The following VEPH1 variants were observed in gnomAD, a reference collection of about 807,000 sequenced individuals.
The protein encoded by VEPH1 is ventricular zone-expressed PH domain-containing protein homolog 1.
In VEPH1, 80 loss-of-function variants were observed where a neutral mutation model predicts 85.2. The observed-to-expected ratio is 0.94, with a 90% confidence interval of 0.78 to 1.13. The LOEUF (loss-of-function observed/expected upper bound fraction) is 1.13, where lower values mean the gene tolerates loss of function less well. Among genes scored for constraint, VEPH1 ranks in the 50% most tolerant of loss-of-function variants. The probability of loss-of-function intolerance (pLI) is 0.00; values close to 1 mark genes in which losing one functional copy is unlikely to be tolerated. For missense variants in VEPH1, 955 were observed against 980.5 expected (o/e 0.97, Z 0.35); for synonymous variants, 297 against 348.0 (o/e 0.85, Z 1.63).
chr3:157,402,746 A>C (rs934485996), intron 6 of VEPH1, among the ~76,000 whole-genome samples: 1 of 152,174 alleles, frequency 6.6e-6, no homozygotes, highest in Admixed American at 6.6e-5. Flanking sequence ...AAAGCAATAA[A>C]TAATTATTCA....
intron 12 of VEPH1, among the ~76,000 whole-genome samples, chr3:157,274,472 G>A (rs1559915766): frequency 6.6e-6 from 1 of 152,102 alleles, no homozygotes; most frequent in Non-Finnish European, 1.5e-5. Flanking sequence ...GTCTCAAATG[G>A]AAGGTGAACT....
chr3:157,428,636 T>C, intron 4 of VEPH1, 148 bp from the exon 5 acceptor site: 3 of 691,948 alleles, frequency 4.3e-6, no homozygotes, highest in Non-Finnish European at 7.1e-6. Context: ...ACATGGTACC[T>C]TATTCTGAGA....
chr3:157,301,751 T>G (rs1474532363), intron 11 of VEPH1, among the ~76,000 whole-genome samples: 1 of 152,208 alleles, frequency 6.6e-6, no homozygotes, highest in African/African-American at 2.4e-5. Flanking sequence ...CTGAGGTTCT[T>G]TTATTTCTTG....
At chr3:157,281,389 G>A (rs1716096105) in intron 12 of VEPH1, among the ~76,000 whole-genome samples, 1 of 152,148 alleles carries the variant, frequency 6.6e-6, no homozygotes, top group Non-Finnish European at 1.5e-5. Flanking sequence ...GTATATCAGT[G>A]TGAAAATGTG....
intron 6 of VEPH1, among the ~76,000 whole-genome samples, chr3:157,385,410 T>C (rs909734358): frequency 6.6e-6 from 1 of 152,150 alleles, no homozygotes; most frequent in South Asian, 2.1e-4. Flanking sequence ...TAGGACCGCT[T>C]TACACTCTTG....
intron 9 of VEPH1, among the ~76,000 whole-genome samples, chr3:157,348,967 A>G (rs1337962401): frequency 6.6e-6 from 1 of 152,248 alleles, no homozygotes; most frequent in Non-Finnish European, 1.5e-5. Context: ...ACTTCAAAAA[A>G]ATTAAAGCAG....
intron 3 of VEPH1, among the ~76,000 whole-genome samples, chr3:157,463,783 C>T (rs1370424941): frequency 1.3e-5 from 2 of 152,144 alleles, no homozygotes; most frequent in East Asian, 1.9e-4. Context: ...TTAGGGTATC[C>T]CTTTCACATT....
intron 11 of VEPH1, among the ~76,000 whole-genome samples, chr3:157,293,865 G>A (rs564234687): frequency 1.3e-5 from 2 of 152,262 alleles, no homozygotes; most frequent in South Asian, 4.1e-4. Flanking sequence ...ATTAGAGTGG[G>A]AGCAAGGCCA....
At chr3:157,306,324 A>G (rs917399398) in intron 11 of VEPH1, among the ~76,000 whole-genome samples, 2 of 152,136 alleles carry the variant, frequency 1.3e-5, no homozygotes, top group African/African-American at 4.8e-5. Flanking sequence ...TATTTTTATC[A>G]TAAGTATATG....
intron 9 of VEPH1, among the ~76,000 whole-genome samples, chr3:157,318,642 A>AAGACAG (rs1271934783): frequency 8.6e-5 from 12 of 139,520 alleles, no homozygotes; most frequent in Admixed American, 4.6e-4. Flanking sequence ...AAAAGAAAGA[A>AAGACAG]AGAAAGAAAG....
chr3:157,344,813 G>C (rs1416454923), intron 9 of VEPH1, among the ~76,000 whole-genome samples: 1 of 152,120 alleles, frequency 6.6e-6, no homozygotes, highest in African/African-American at 2.4e-5. Flanking sequence ...TCATGGTACT[G>C]GTACCAAAAC....
At chr3:157,420,200 T>C (rs1732224339) in intron 5 of VEPH1, among the ~76,000 whole-genome samples, 1 of 151,842 alleles carries the variant, frequency 6.6e-6, no homozygotes, top group Admixed American at 6.6e-5. Context: ...GGAGGGAAAG[T>C]ATCAGGTAGA....
chr3:157,368,115 A>G (rs937878584), intron 7 of VEPH1, among the ~76,000 whole-genome samples: 3 of 152,240 alleles, frequency 2.0e-5, no homozygotes, highest in Non-Finnish European at 1.5e-5. Context: ...CGGGGTTGGT[A>G]GAATGATTAA....
intron 4 of VEPH1, among the ~76,000 whole-genome samples, chr3:157,456,592 C>G (rs926420469): frequency 6.6e-6 from 1 of 152,162 alleles, no homozygotes; most frequent in Non-Finnish European, 1.5e-5. Context: ...CTGCATATGA[C>G]TAGGCAGTTA....
At chr3:157,401,309 C>T (rs1730775963) in intron 6 of VEPH1, among the ~76,000 whole-genome samples, 1 of 152,050 alleles carries the variant, frequency 6.6e-6, no homozygotes. Context: ...AAAGTATATG[C>T]TTTTAGCTCA....
At chr3:157,427,310 G>C (rs1732826849) in intron 5 of VEPH1, among the ~76,000 whole-genome samples, 1 of 151,858 alleles carries the variant, frequency 6.6e-6, no homozygotes, top group Non-Finnish European at 1.5e-5. Flanking sequence ...AGTAGAGACA[G>C]GGTTTCACCA....
At chr3:157,480,355 G>A (rs1399262444) in intron 2 of VEPH1, among the ~76,000 whole-genome samples, 3 of 152,062 alleles carry the variant, frequency 2.0e-5, no homozygotes, top group Non-Finnish European at 2.9e-5. Flanking sequence ...TGTTACAAGA[G>A]TATATTTTAT....
chr3:157,437,929 G>A (rs1335418079), intron 4 of VEPH1: 7 of 1,528,610 alleles, frequency 4.6e-6, no homozygotes, highest in Admixed American at 2.0e-5. Context: ...GGAGGCAAGC[G>A]GGGCCGGGAC....
intron 2 of VEPH1, among the ~76,000 whole-genome samples, chr3:157,474,688 G>C (rs1737287076): frequency 6.6e-6 from 1 of 152,160 alleles, no homozygotes; most frequent in South Asian, 2.1e-4. Flanking sequence ...TTTGAGAACA[G>C]AGGGCCCTGC....
Sources: gnomAD v4.1 joint callset for allele counts (sites outside exome capture counted in the v4.1 genomes callset) on GRCh38, gnomAD v4.1.1 for gene constraint, MANE v1.5 for transcripts, NCBI Gene and HGNC (gene_info 2026-07-23, HGNC 2026-07-21) for gene names.